PPP3CA: variants seen among roughly 807,000 people sequenced by gnomAD.
The protein encoded by PPP3CA is CAM-PRP catalytic subunit.
In PPP3CA, 14 loss-of-function variants were observed where a neutral mutation model predicts 66.5. The observed-to-expected ratio is 0.21, with a 90% CI of 0.14 to 0.33. PPP3CA has a LOEUF of 0.33. Among genes scored for constraint, PPP3CA ranks in the 10% least tolerant of loss-of-function variants. The pLI is 1.00. For missense variants in PPP3CA, 317 were observed against 639.5 expected (o/e 0.50, Z 5.44); for synonymous variants, 232 against 226.2 (o/e 1.03, Z -0.23).
intron 1 of PPP3CA, among the ~76,000 whole-genome samples, chr4:101,275,214 T>C (rs1727451653): frequency 6.6e-6 from 1 of 152,170 alleles, no homozygotes; most frequent in South Asian, 2.1e-4. Flanking sequence ...TAATTATTCC[T>C]TTACTTTCAC....
At chr4:101,238,649 G>T (rs1357220855) in intron 1 of PPP3CA, among the ~76,000 whole-genome samples, 1 of 152,022 alleles carries the variant, frequency 6.6e-6, no homozygotes, top group Admixed American at 6.6e-5. Flanking sequence ...ATCTTAAAGA[G>T]ATGGGATTCA....
intron 10 of PPP3CA, among the ~76,000 whole-genome samples, chr4:101,055,926 TTG>T (rs1416893724): frequency 1.3e-5 from 2 of 152,026 alleles, no homozygotes; most frequent in African/African-American, 2.4e-5. Flanking sequence ...CATATTATAT[TTG>T]TGTTATATTT....
intron 8 of PPP3CA, among the ~76,000 whole-genome samples, chr4:101,077,222 C>T (rs1245759057): frequency 6.6e-6 from 1 of 152,170 alleles, no homozygotes; most frequent in Non-Finnish European, 1.5e-5. Flanking sequence ...CTGATCACAA[C>T]TATTATTGGT....
intron 10 of PPP3CA, among the ~76,000 whole-genome samples, chr4:101,054,175 G>A (rs1468211778): frequency 1.4e-5 from 2 of 145,946 alleles, no homozygotes; most frequent in Non-Finnish European, 3.1e-5. Flanking sequence ...AACTGTACAG[G>A]CTATAACATC....
At chr4:101,148,801 A>G (rs1723046692) in intron 2 of PPP3CA, among the ~76,000 whole-genome samples, 1 of 152,112 alleles carries the variant, frequency 6.6e-6, no homozygotes, top group African/African-American at 2.4e-5. Flanking sequence ...GTTCTCTCAA[A>G]CATGTTACCA....
chr4:101,301,480 T>C (rs1396660672), intron 1 of PPP3CA, among the ~76,000 whole-genome samples: 2 of 146,412 alleles, frequency 1.4e-5, no homozygotes, highest in African/African-American at 5.0e-5. Context: ...TATATTTATA[T>C]ATAATATATA....
At chr4:101,313,309 G>A (rs965958814) in intron 1 of PPP3CA, among the ~76,000 whole-genome samples, 2 of 152,066 alleles carry the variant, frequency 1.3e-5, no homozygotes, top group African/African-American at 4.8e-5. Flanking sequence ...TTAGAGGTGT[G>A]AGCCAACACA....
At chr4:101,289,478 T>C (rs552291968) in intron 1 of PPP3CA, among the ~76,000 whole-genome samples, 1 of 152,356 alleles carries the variant, frequency 6.6e-6, no homozygotes, top group South Asian at 2.1e-4. Context: ...ATTTCCGCTA[T>C]TCTCTTTTTG....
intron 2 of PPP3CA, among the ~76,000 whole-genome samples, chr4:101,189,702 A>C (rs949374160): frequency 6.6e-6 from 1 of 151,258 alleles, no homozygotes; most frequent in Non-Finnish European, 1.5e-5. Context: ...AAAAAAAAAA[A>C]AACAAAACCA....
At chr4:101,124,723 A>AAGAAAGAAAGAG (rs1722165250) in intron 2 of PPP3CA, among the ~76,000 whole-genome samples, 5 of 48,178 alleles carry the variant, frequency 1.0e-4, no homozygotes, top group East Asian at 5.6e-4. Flanking sequence ...GAAAGAAAGA[A>AAGAAAGAAAGAG]AGAGAAAGAA....
At chr4:101,341,895 C>A (rs1310833280) in intron 1 of PPP3CA, among the ~76,000 whole-genome samples, 1 of 152,094 alleles carries the variant, frequency 6.6e-6, no homozygotes, top group Non-Finnish European at 1.5e-5. Context: ...GGTAATTTAA[C>A]CATATTTGCT....
chr4:101,279,950 C>T (rs556567161), intron 1 of PPP3CA, among the ~76,000 whole-genome samples: 28 of 152,298 alleles, frequency 1.8e-4, no homozygotes, highest in South Asian at 8.3e-4. Context: ...GAGAAATTGA[C>T]GGAAGCACTT....
At chr4:101,067,825 A>G (rs886620638) in intron 8 of PPP3CA, among the ~76,000 whole-genome samples, 8 of 150,146 alleles carry the variant, frequency 5.3e-5, no homozygotes, top group Non-Finnish European at 1.2e-4. Context: ...TAATAATAAT[A>G]ATAATAATAA....
intron 1 of PPP3CA, among the ~76,000 whole-genome samples, chr4:101,257,356 C>T (rs1726878467): frequency 6.7e-6 from 1 of 148,960 alleles, no homozygotes; most frequent in Admixed American, 6.7e-5. Context: ...CAGAATTCCA[C>T]ATTCAGTGAC....
intron 1 of PPP3CA, among the ~76,000 whole-genome samples, chr4:101,277,657 T>C (rs2850344): frequency 0.19 from 29,466 of 152,090 alleles, 3,522 homozygotes; most frequent in East Asian, 0.51. Flanking sequence ...ATAGCAAAAA[T>C]GCTCCCCAAA....
At chr4:101,263,595 G>T (rs1461294166) in intron 1 of PPP3CA, among the ~76,000 whole-genome samples, 3 of 148,600 alleles carry the variant, frequency 2.0e-5, no homozygotes, top group Non-Finnish European at 3.0e-5. Flanking sequence ...GATATCTAGT[G>T]TTTTTTTTTT....
At chr4:101,096,785 T>C (rs1022701024) in intron 5 of PPP3CA, among the ~76,000 whole-genome samples, 34 of 152,188 alleles carry the variant, frequency 2.2e-4, no homozygotes, top group Non-Finnish European at 7.4e-5. Flanking sequence ...GATACATGGA[T>C]ACATGAATAG....
intron 1 of PPP3CA, among the ~76,000 whole-genome samples, chr4:101,209,691 A>G (rs1725242238): frequency 6.6e-6 from 1 of 152,198 alleles, no homozygotes; most frequent in African/African-American, 2.4e-5. Flanking sequence ...CTGTAAAGAT[A>G]GCCTATGTAC....
chr4:101,219,189 TA>T (rs1725546673), intron 1 of PPP3CA, among the ~76,000 whole-genome samples: 1 of 152,036 alleles, frequency 6.6e-6, no homozygotes, highest in South Asian at 2.1e-4. Flanking sequence ...CAAAGTTTCC[TA>T]TTTCATCACT....
Sources: gnomAD v4.1 joint callset for allele counts (sites outside exome capture counted in the v4.1 genomes callset) on GRCh38, gnomAD v4.1.1 for gene constraint, MANE v1.5 for transcripts, NCBI Gene and HGNC (gene_info 2026-07-23, HGNC 2026-07-21) for gene names.